The following ANKRD62 variants were observed in gnomAD, a reference collection of about 807,000 sequenced individuals.
The protein encoded by ANKRD62 is ankyrin repeat domain-containing protein 62.
Under a neutral mutation model 98.8 loss-of-function variants are expected in ANKRD62, and 61 were observed. That is an observed-to-expected ratio of 0.62 (90% CI 0.50 to 0.76). The LOEUF is 0.76. ANKRD62 is among the 30% of genes least tolerant of loss of function. The pLI, the probability that ANKRD62 is intolerant of heterozygous loss-of-function variation, is 0.00. For synonymous variants in ANKRD62, 341 were observed against 367.9 expected (o/e 0.93, Z 0.84); for missense variants, 933 against 1,082.9 (o/e 0.86, Z 1.94).
the ANKRD62 span, among the ~76,000 whole-genome samples, chr18:12,164,123 C>A: frequency 6.6e-6 from 1 of 151,844 alleles, no homozygotes; most frequent in Non-Finnish European, 1.5e-5. Context: ...GCAGTGAAGC[C>A]ATTGGGCCTG....
At chr18:12,146,154 A>C in the ANKRD62 span, among the ~76,000 whole-genome samples, 1 of 146,278 alleles carries the variant, frequency 6.8e-6, no homozygotes, top group African/African-American at 2.6e-5. Context: ...GTTCTATGAA[A>C]ACATGGCCAG....
the ANKRD62 span, among the ~76,000 whole-genome samples, chr18:12,163,547 T>G: frequency 6.6e-6 from 1 of 152,162 alleles, no homozygotes; most frequent in African/African-American, 2.4e-5. Flanking sequence ...AGTAGTATCT[T>G]GAATAACTGT....
chr18:12,140,808 G>C, the ANKRD62 span, among the ~76,000 whole-genome samples: 1,534 of 152,338 alleles, frequency 0.01, 15 homozygotes, highest in Non-Finnish European at 0.016. Context: ...ACCCACTTGA[G>C]GAGGCAGTCT....
intron 8 of ANKRD62, among the ~76,000 whole-genome samples, chr18:12,114,583 TG>T (rs1909618268): frequency 6.6e-6 from 1 of 152,166 alleles, no homozygotes; most frequent in Non-Finnish European, 1.5e-5. Flanking sequence ...ACAGAATTGC[TG>T]GGAGGATTTA....
the ANKRD62 span, among the ~76,000 whole-genome samples, chr18:12,135,363 G>A: frequency 6.6e-6 from 1 of 151,142 alleles, no homozygotes; most frequent in Non-Finnish European, 1.5e-5. Context: ...CCCTACATAG[G>A]ACATGAACTC....
chr18:12,108,981 C>T (rs1423651268), intron 8 of ANKRD62, among the ~76,000 whole-genome samples: 3 of 152,210 alleles, frequency 2.0e-5, no homozygotes, highest in Non-Finnish European at 4.4e-5. Flanking sequence ...GGGTTCAGCC[C>T]TTGTGGCTGC....
At chr18:12,123,901 C>T (rs929084853) in intron 11 of ANKRD62, among the ~76,000 whole-genome samples, 4 of 152,130 alleles carry the variant, frequency 2.6e-5, no homozygotes, top group Non-Finnish European at 4.4e-5. Flanking sequence ...TTTCAACATC[C>T]TTTTCCATAA....
chr18:12,172,750 C>A, the ANKRD62 span, among the ~76,000 whole-genome samples: 1 of 152,232 alleles, frequency 6.6e-6, no homozygotes, highest in East Asian at 1.9e-4. Context: ...CTGCAGTGGG[C>A]TCCACCCAGG....
At position 12,125,733 on chromosome 18, in the gene ANKRD62, G is replaced by A; in HGVS notation, c.1912G>A (p.Glu638Lys). Residue 638 changes from glutamate (E) to lysine (K), a missense_variant, in exon 13 of 14, where the codon GAG (glutamate) becomes AAG (lysine). Transcript: ENST00000587848. ...GGATGAGAATACAATGCTCAATTCT[G>A]AGCTACAGAAGGAAAAACAAAGCAT... The part of the protein sequence containing the change: ...LMDENTMLNS[E>K]LQKEKQSMSR... 1 of 1,544,190 alleles carries A rather than the reference G, an allele frequency of 6.5e-7. No homozygotes were observed. The highest frequency in any genetic ancestry group is 8.7e-7 in the Non-Finnish European group (1 of 1,146,946).
chr18:12,115,269 G>A lies in ANKRD62; in HGVS notation c.1099-124G>A, dbSNP rs2143918149. On this transcript the variant is annotated intron_variant, in intron 9 of 13. Coordinates refer to ENST00000587848, the MANE Select transcript of ANKRD62 (RefSeq NM_001277333.2). ...AAAAGCACCCTTTTAACCAAAGTCA[G>A]TTATTTTAAGAAGTACCTGTGTTTT... The A allele has an allele frequency of 2.3e-6, 3 of 1,278,594 alleles. No individual in the cohort carries two copies. The South Asian group carries it at 5.4e-5, about 23-fold the overall frequency. 79.2% of individuals were successfully genotyped at this position (1,278,594 alleles called of 1,614,324 possible). A position where few individuals can be genotyped will look rare whatever the true frequency, so the allele number is the denominator to read the frequency against.
intron 4 of ANKRD62, among the ~76,000 whole-genome samples, chr18:12,096,978 G>GA (rs1909195390): frequency 1.3e-5 from 2 of 152,180 alleles, no homozygotes; most frequent in South Asian, 4.1e-4. Flanking sequence ...GTGACAATGA[G>GA]AAAAAAGAGA....
chr18:12,134,394 C>T (rs1383352445), downstream of ANKRD62, among the ~76,000 whole-genome samples: 1 of 151,940 alleles, frequency 6.6e-6, no homozygotes, highest in Non-Finnish European at 1.5e-5. Flanking sequence ...TATTATTATA[C>T]TTTAAGTTTT....
Position 12,112,110 on chromosome 18 carries a change from T to TG in ANKRD62, c.1065-2978_1065-2977insG, listed in dbSNP as rs1318094455. ...AGGCCGACAACAGCAAGACTCCAAC[T>TG]CAAAAAAAAAAAAAAAAAAAAAAGT... On this transcript the variant is annotated intron_variant, in intron 8 of 13. Transcript: ENST00000587848. Among the ~76,000 whole-genome samples, 15 of 81,862 alleles carry TG rather than the reference T, an allele frequency of 1.8e-4. 1 individual carries two copies. Among genetic ancestry groups the TG allele is most frequent in the Non-Finnish European group, 2.8e-4 (13 of 46,914 alleles). The allele number at this position is 81,862 out of a possible 152,430, so 53.7% of individuals were successfully genotyped here.
chr18:12,175,373 G>A, the ANKRD62 span, among the ~76,000 whole-genome samples: 12 of 152,194 alleles, frequency 7.9e-5, no homozygotes, highest in African/African-American at 2.2e-4. Context: ...GGTCAGCAGC[G>A]GGAGGGCGGC....
At chr18:12,146,630 G>A in the ANKRD62 span, among the ~76,000 whole-genome samples, 1 of 151,998 alleles carries the variant, frequency 6.6e-6, no homozygotes, top group Non-Finnish European at 1.5e-5. Flanking sequence ...AGTTTTAGTA[G>A]AGACGGGTTC....
chr18:12,164,212 A>G, the ANKRD62 span, among the ~76,000 whole-genome samples: 1 of 151,852 alleles, frequency 6.6e-6, no homozygotes, highest in Admixed American at 6.6e-5. Context: ...ATATTTTTTC[A>G]TGATTCAATC....
chr18:12,110,716 T>A (rs1208438891), intron 8 of ANKRD62, among the ~76,000 whole-genome samples: 1 of 152,214 alleles, frequency 6.6e-6, no homozygotes, highest in East Asian at 1.9e-4. Context: ...TTCACTGTAA[T>A]ACATCTAGAC....
chr18:12,171,331 T>A, the ANKRD62 span, among the ~76,000 whole-genome samples: 13 of 152,244 alleles, frequency 8.5e-5, no homozygotes, highest in Admixed American at 2.6e-4. Flanking sequence ...AAGGCAGGCC[T>A]GGTAGTGACA....
At chr18:12,171,128 C>T in the ANKRD62 span, among the ~76,000 whole-genome samples, 3 of 152,092 alleles carry the variant, frequency 2.0e-5, no homozygotes, top group Non-Finnish European at 4.4e-5. Flanking sequence ...GAGCATTTAG[C>T]CCATTTACAT....
Sources: gnomAD v4.1 joint callset for allele counts (sites outside exome capture counted in the v4.1 genomes callset) on GRCh38, gnomAD v4.1.1 for gene constraint, MANE v1.5 for transcripts, NCBI Gene and HGNC (gene_info 2026-07-23, HGNC 2026-07-21) for gene names.